The following E2F3 variants were observed in gnomAD, a reference collection of about 807,000 sequenced individuals.
E2F3 encodes the protein transcription factor E2F3.
E2F3 carries 11 observed loss-of-function variants against 44.4 expected under a neutral mutation model. The observed-to-expected ratio is 0.25, with a 90% CI of 0.16 to 0.41. E2F3 has a LOEUF of 0.41. Among genes scored for constraint, E2F3 ranks in the 10% least tolerant of loss-of-function variants. E2F3 has a pLI of 1.00. For synonymous variants in E2F3, 249 were observed against 253.0 expected (o/e 0.98, Z 0.15); for missense variants, 487 against 583.6 (o/e 0.83, Z 1.70).
intron 1 of E2F3, among the ~76,000 whole-genome samples, chr6:20,428,062 C>T (rs1304545118): frequency 2.0e-5 from 3 of 152,014 alleles, no homozygotes; most frequent in Non-Finnish European, 2.9e-5. Flanking sequence ...AAGTTAGAGG[C>T]GAGGAAATGA....
At chr6:20,409,275 G>A (rs73731186) in intron 1 of E2F3, among the ~76,000 whole-genome samples, 3,597 of 152,250 alleles carry the variant, frequency 0.024, 152 homozygotes, top group African/African-American at 0.081. Context: ...TATTCCCAAA[G>A]ATACAAAATA....
At chr6:20,403,937 G>A (rs1759402148) in intron 1 of E2F3, 4 of 627,876 alleles carry the variant, frequency 6.4e-6, no homozygotes, top group Non-Finnish European at 1.0e-5. Context: ...TTTTGGAGTG[G>A]GAACGGGGGG....
intron 1 of E2F3, among the ~76,000 whole-genome samples, chr6:20,452,678 G>A (rs191497015): frequency 9.2e-5 from 14 of 152,218 alleles, no homozygotes; most frequent in South Asian, 2.1e-4. Context: ...GGCCAGGTGC[G>A]GTGGCTCACA....
Position 20,402,776 on chromosome 6 carries a change from T to TA in E2F3, c.393+152dup, listed in dbSNP as rs1759350995. 7.3e-6 allele frequency: 9 copies of TA among 1,236,072 alleles called. No individual in the cohort carries two copies. The South Asian group carries it at 2.4e-4, about 33-fold the overall frequency. The allele number at this position is 1,236,072 out of a possible 1,614,324, so 76.6% of individuals were successfully genotyped here. A position where few individuals can be genotyped will look rare whatever the true frequency, so the allele number is the denominator to read the frequency against. On this transcript the variant is annotated intron_variant, in intron 1 of 6. Coordinates refer to ENST00000346618, the MANE Select transcript of E2F3 (RefSeq NM_001949.5). This position sits in a 1 kb window ranked among gnomAD's most constrained non-coding sequence, Gnocchi z 5.6. ...TGCCCCTCCAACGAGGGTTCATTGT[T>TA]AGACCTGAGTGCTCTTCCCGGCGCC... is the stretch of plus-strand genomic sequence containing the variant.
At chr6:20,407,712 A>T (rs897980025) in intron 1 of E2F3, among the ~76,000 whole-genome samples, 1 of 152,234 alleles carries the variant, frequency 6.6e-6, no homozygotes, top group African/African-American at 2.4e-5. Flanking sequence ...TCAAGTACTC[A>T]TAGTTAATTT....
Position 20,493,188 on chromosome 6 carries a change from G to A in E2F3, c.*2758G>A, listed in dbSNP as rs1246499772. On this transcript the variant is annotated 3_prime_UTR_variant, in exon 7 of 7. Transcript: ENST00000346618. ...TGCCAGAATACTTTCTAGCTGCTTT[G>A]TAATTTTTTAAGAGTGTTATTTTGT... 18 of 225,948 alleles carry A rather than the reference G, an allele frequency of 8.0e-5. No homozygotes were observed. Among genetic ancestry groups the A allele is most frequent in the Non-Finnish European group, 1.4e-4 (16 of 113,306 alleles). The allele number at this position is 225,948 out of a possible 1,614,324, so 14.0% of individuals were successfully genotyped here.
Position 20,479,144 on chromosome 6 carries a change from GC to G in E2F3, c.394-699del, listed in dbSNP as rs1345452163. Among the ~76,000 whole-genome samples the G allele has an allele frequency of 2.0e-5, 3 of 152,210 alleles. No individual in the cohort carries two copies. The East Asian group carries it at 5.8e-4, about 29-fold the overall frequency. On this transcript the variant is annotated intron_variant, in intron 1 of 6. Transcript: ENST00000346618. ...AATGGAGAAAGTAATAGTGGTTGAA[GC>G]CCAAGATTGCATGTTTGCAGTATTT...
At chr6:20,409,902 C>G (rs1759615128) in intron 1 of E2F3, among the ~76,000 whole-genome samples, 1 of 152,106 alleles carries the variant, frequency 6.6e-6, no homozygotes, top group South Asian at 2.1e-4. Flanking sequence ...GGTCTAACAG[C>G]CAGTGAGCAT....
Position 20,492,919 on chromosome 6 carries a change from G to C in E2F3, c.*2489G>C, listed in dbSNP as rs527963114. 6.2e-4 allele frequency: 134 copies of C among 217,250 alleles called. No individual in the cohort carries two copies. Among genetic ancestry groups the C allele is most frequent in the Non-Finnish European group, 9.8e-4 (106 of 107,760 alleles). The allele number at this position is 217,250 out of a possible 1,614,324, so 13.5% of individuals were successfully genotyped here. On this transcript the variant is annotated 3_prime_UTR_variant, in exon 7 of 7. Coordinates refer to ENST00000346618, the MANE Select transcript of E2F3 (RefSeq NM_001949.5). The stretch of plus-strand genomic sequence containing the variant: ...TATGCAGGTTTCCTGGTACCATTGA[G>C]TTGCTGCTATTAAAGCTCACACACG...
intron 1 of E2F3, among the ~76,000 whole-genome samples, chr6:20,409,216 C>T (rs531331851): frequency 4.6e-5 from 7 of 152,154 alleles, no homozygotes; most frequent in Admixed American, 6.5e-5. Context: ...TTTAAAAATG[C>T]GCACATAAAG....
intron 1 of E2F3, among the ~76,000 whole-genome samples, chr6:20,449,190 G>A (rs557934021): frequency 3.2e-4 from 48 of 152,228 alleles, no homozygotes; most frequent in African/African-American, 1.0e-3. Flanking sequence ...TCCATAATTT[G>A]ATTTCAATAA....
intron 1 of E2F3, among the ~76,000 whole-genome samples, chr6:20,431,985 C>T (rs557128667): frequency 1.1e-4 from 16 of 152,204 alleles, no homozygotes; most frequent in Non-Finnish European, 1.9e-4. Flanking sequence ...ATAAGCTCAC[C>T]GGGTGTCTTT....
chr6:20,469,521 T>C (rs1047948748), intron 1 of E2F3, among the ~76,000 whole-genome samples: 1 of 152,206 alleles, frequency 6.6e-6, no homozygotes, highest in African/African-American at 2.4e-5. Flanking sequence ...CAAAATAAGT[T>C]TCTATAGGAG....
chr6:20,480,096 A>C, intron 2 of E2F3, 139 bp downstream of exon 2: 1 of 1,417,662 alleles, frequency 7.1e-7, no homozygotes, highest in Non-Finnish European at 9.2e-7. Context: ...TGCTTATCCA[A>C]AAAAATAAAT....
intron 1 of E2F3, among the ~76,000 whole-genome samples, chr6:20,431,165 G>T (rs1158889906): frequency 6.6e-6 from 1 of 152,132 alleles, no homozygotes; most frequent in Non-Finnish European, 1.5e-5. Context: ...AACACTTCTC[G>T]TCATCAGCTG....
intron 1 of E2F3, among the ~76,000 whole-genome samples, chr6:20,428,411 C>T (rs6934145): frequency 0.023 from 3,513 of 152,084 alleles, 72 homozygotes; most frequent in East Asian, 0.064. Flanking sequence ...TTAGTAGAGA[C>T]GGGATTTCAC....
chr6:20,437,995 C>T (rs1760649067), intron 1 of E2F3: 1 of 152,210 alleles, frequency 6.6e-6, no homozygotes, highest in South Asian at 2.1e-4. Flanking sequence ...ACAGATTTGA[C>T]TGGGTAATGT....
chr6:20,425,904 G>A (rs1204574502), intron 1 of E2F3, among the ~76,000 whole-genome samples: 1 of 152,182 alleles, frequency 6.6e-6, no homozygotes, highest in African/African-American at 2.4e-5. Context: ...CCTTCTGTTG[G>A]TTCTTAGAGG....
Position 20,492,909 on chromosome 6 carries a change from G to C in E2F3, c.*2479G>C. On this transcript the variant is annotated 3_prime_UTR_variant, in exon 7 of 7. Coordinates refer to ENST00000346618, the MANE Select transcript of E2F3 (RefSeq NM_001949.5). ...AAGTACTAAGTATGCAGGTTTCCTGGTACCATTGAGTTGCTGCTATTAAAG... is the reference window on the plus strand; with the variant it reads ...AAGTACTAAGTATGCAGGTTTCCTGCTACCATTGAGTTGCTGCTATTAAAG... The C allele has an allele frequency of 1.4e-5, 3 of 217,104 alleles. No individual in the cohort carries two copies. The highest frequency in any genetic ancestry group is 2.8e-5 in the Non-Finnish European group (3 of 107,650). 13.4% of individuals were successfully genotyped at this position (217,104 alleles called of 1,614,324 possible).
Sources: gnomAD v4.1 joint callset for allele counts (sites outside exome capture counted in the v4.1 genomes callset) on GRCh38, gnomAD v4.1.1 for gene constraint, Gnocchi (gnomAD v3.1) non-coding constraint, MANE v1.5 for transcripts, NCBI Gene and HGNC (gene_info 2026-07-23, HGNC 2026-07-21) for gene names.